The following DTX4 variants were observed in gnomAD, a reference collection of about 807,000 sequenced individuals.
DTX4 encodes the protein deltex E3 ubiquitin ligase 4, also known as E3 ubiquitin-protein ligase DTX4.
A neutral mutation model predicts 57.6 loss-of-function variants in DTX4; 28 were observed. The ratio of observed to expected loss-of-function variants is 0.49; its 90% confidence interval spans 0.36 to 0.67. The LOEUF is 0.67. DTX4 is among the 30% of genes least tolerant of loss of function. The probability of loss-of-function intolerance (pLI) is 0.00; values close to 1 mark genes in which losing one functional copy is unlikely to be tolerated. For synonymous variants in DTX4, 316 were observed against 331.0 expected (o/e 0.95, Z 0.49); for missense variants, 715 against 836.8 (o/e 0.85, Z 1.80).
At chr11:59,196,408 G>A (rs916975827) in intron 7 of DTX4, among the ~76,000 whole-genome samples, 2 of 152,250 alleles carry the variant, frequency 1.3e-5, no homozygotes, top group Non-Finnish European at 2.9e-5. Context: ...GTTCTTCCTG[G>A]AGGGGCTTAC....
At chr11:59,203,975 C>G (rs1466632086) in intron 8 of DTX4, among the ~76,000 whole-genome samples, 1 of 152,228 alleles carries the variant, frequency 6.6e-6, no homozygotes, top group Non-Finnish European at 1.5e-5. Flanking sequence ...GACATTTTCA[C>G]TGGATGCTTT....
chr11:59,195,788 A>G (rs1344416305), intron 7 of DTX4, among the ~76,000 whole-genome samples: 4 of 152,264 alleles, frequency 2.6e-5, no homozygotes, highest in East Asian at 1.9e-4. Flanking sequence ...TTTGATGGGC[A>G]TATGGATTGT....
At position 59,181,722 on chromosome 11, in the gene DTX4, C is replaced by T; in HGVS notation, c.212-17C>T. 6.3e-7 allele frequency: 1 copy of T among 1,579,570 alleles called. No homozygotes were observed. Among genetic ancestry groups the T allele is most frequent in the Non-Finnish European group, 8.6e-7 (1 of 1,159,676 alleles). On this transcript the variant is annotated splice_polypyrimidine_tract_variant and intron_variant, in intron 1 of 8. Transcript: ENST00000227451. ...TTGCATGCTGACTCTGACCTCTCCCCTATCCCACCCTGGCAGGAACTCTCC... is the reference window on the plus strand; with the variant it reads ...TTGCATGCTGACTCTGACCTCTCCCTTATCCCACCCTGGCAGGAACTCTCC...
chr11:59,186,008 C>T (rs1862523337), intron 2 of DTX4, among the ~76,000 whole-genome samples: 1 of 152,162 alleles, frequency 6.6e-6, no homozygotes, highest in Non-Finnish European at 1.5e-5. Context: ...GGGGCTAAAA[C>T]AAAGACTCCC....
rs898631701 is a variant in DTX4, at chr11:59,205,245, C to G, written c.*336C>G. On this transcript the variant is annotated 3_prime_UTR_variant, in exon 9 of 9. Coordinates refer to ENST00000227451, the MANE Select transcript of DTX4 (RefSeq NM_015177.2). ...CAGCACACCTAGGGTATGGGCAGTG[C>G]TTAGGCACTCCATATCCTGGCTTTG... 1.6e-5 allele frequency: 4 copies of G among 248,908 alleles called. No homozygotes were observed. Among genetic ancestry groups the G allele is most frequent in the African/African-American group, 8.7e-5 (4 of 46,154 alleles). The allele number at this position is 248,908 out of a possible 1,614,324, so 15.4% of individuals were successfully genotyped here.
At chr11:59,198,620 GT>G (rs1350028138) in intron 7 of DTX4, among the ~76,000 whole-genome samples, 1 of 152,136 alleles carries the variant, frequency 6.6e-6, no homozygotes, top group Non-Finnish European at 1.5e-5. Context: ...AAAAATCTGG[GT>G]TTTTTTCTTG....
At chr11:59,189,398 A>G (rs1862569134) in intron 4 of DTX4, 75 bp downstream of exon 4, 1 of 1,419,294 alleles carries the variant, frequency 7.0e-7, no homozygotes, top group East Asian at 2.5e-5. Flanking sequence ...CTCAACCTCC[A>G]AGGGTCATAG....
intron 2 of DTX4, 65 bp downstream of exon 2, chr11:59,182,527 C>T (rs1862480479): frequency 7.5e-6 from 11 of 1,471,014 alleles, no homozygotes; most frequent in Middle Eastern, 3.6e-4. Flanking sequence ...AGCAGATCTT[C>T]TGGATCAGAA....
intron 6 of DTX4, 75 bp from the exon 7 acceptor site, chr11:59,195,133 A>C: frequency 6.6e-7 from 1 of 1,515,428 alleles, no homozygotes; most frequent in Non-Finnish European, 9.2e-7. Flanking sequence ...CATCTCTGGT[A>C]CCTTTTGGGA....
chr11:59,204,162 C>A (rs1229544247), intron 8 of DTX4, among the ~76,000 whole-genome samples: 1 of 152,044 alleles, frequency 6.6e-6, no homozygotes, highest in Admixed American at 6.6e-5. Context: ...CAAGATGTCA[C>A]TAGAAAAATA....
In DTX4 at chr11:59,172,789, A is replaced by G; in HGVS notation, c.194A>G (p.Gln65Arg). ...ATCATCGACCTGCAGTCCATGAACC[A>G]GTTCCGCCAAGACACGGGTGAGCCA... is the stretch of plus-strand genomic sequence containing the variant. ...PYIIDLQSMN[Q>R]FRQDTGTLRP... Residue 65 changes from glutamine to arginine, a missense_variant, in exon 1 of 9, where the codon CAG becomes CGG. Transcript: ENST00000227451. The G allele has an allele frequency of 1.3e-6, 2 of 1,584,224 alleles. No homozygotes were observed. Among genetic ancestry groups the G allele is most frequent in the Non-Finnish European group, 1.7e-6 (2 of 1,165,756 alleles).
intron 8 of DTX4, among the ~76,000 whole-genome samples, chr11:59,202,834 A>C (rs1406009136): frequency 3.3e-5 from 5 of 152,240 alleles, no homozygotes; most frequent in Non-Finnish European, 7.3e-5. Context: ...TCATCATCAT[A>C]CAAACATCGC....
At chr11:59,182,579 C>CCCTGGCTGCAGGTGAAGGTGGTGCA (rs1401146734) in intron 2 of DTX4, 117 bp downstream of exon 2, 3 of 1,367,764 alleles carry the variant, frequency 2.2e-6, no homozygotes, top group African/African-American at 1.5e-5. Context: ...TTGTGCTGAC[C>CCCTGGCTGCAGGTGAAGGTGGTGCA]CCTGGCTGCA....
chr11:59,191,661 A>G lies in DTX4; in HGVS notation c.1222-437A>G, dbSNP rs1862600615. ...ACAGCAAAGAATTGTCCTCCCCAAA[A>G]TGTAAATAGTTCTGAGGTTTAGAAA... is the stretch of plus-strand genomic sequence containing the variant. On this transcript the variant is annotated intron_variant, in intron 5 of 8. Transcript: ENST00000227451. 2.0e-5 allele frequency among the ~76,000 whole-genome samples: 3 copies of G among 152,204 alleles called. No individual in the cohort carries two copies. The South Asian group carries it at 6.2e-4, about 31-fold the overall frequency.
Position 59,204,697 on chromosome 11 carries a change from G to T in DTX4, c.1648G>T (p.Ala550Ser). ...GRKVLKLLLV[A>S]WDRRLIFAIG... is the part of the protein sequence containing the mutation. The stretch of plus-strand genomic sequence containing the variant: ...CTAGGTTCTGAAGCTGCTGCTCGTG[G>T]CCTGGGATCGCCGCCTCATTTTTGC... Residue 550 changes from alanine (A) to serine (S), a missense_variant, in exon 9 of 9, where the codon GCC (alanine) becomes TCC (serine). By Grantham distance (99) the Ala-to-Ser change is moderately conservative. Coordinates refer to ENST00000227451, the MANE Select transcript of DTX4 (RefSeq NM_015177.2). The T allele has an allele frequency of 6.2e-7, 1 of 1,613,326 alleles. No individual in the cohort carries two copies. Among genetic ancestry groups the T allele is most frequent in the Non-Finnish European group, 8.5e-7 (1 of 1,179,656 alleles).
At position 59,189,153 on chromosome 11, in the gene DTX4, C is replaced by T; in HGVS notation, c.998-9C>T. On this transcript the variant is annotated splice_polypyrimidine_tract_variant and intron_variant, in intron 3 of 8. Transcript: ENST00000227451. ...CAGTCTTTCCTCACCCATGCCCTGC[C>T]CCTTCCAGGAATCACTGGGATCCTC... 6.2e-7 allele frequency: 1 copy of T among 1,612,884 alleles called. No individual in the cohort carries two copies. The highest frequency in any genetic ancestry group is 8.5e-7 in the Non-Finnish European group (1 of 1,179,774).
At position 59,205,275 on chromosome 11, in the gene DTX4, G is replaced by A. The variant is rs1355186908; in HGVS notation, c.*366G>A. On this transcript the variant is annotated 3_prime_UTR_variant, in exon 9 of 9. Coordinates refer to ENST00000227451, the MANE Select transcript of DTX4 (RefSeq NM_015177.2). ...GCACTCCATATCCTGGCTTTGGGAA[G>A]CCGGGGTTTCTTGCCTCAGCCGGCT... 5.0e-6 allele frequency: 1 copy of A among 198,754 alleles called. No individual in the cohort carries two copies. Among genetic ancestry groups the A allele is most frequent in the Non-Finnish European group, 1.1e-5 (1 of 94,058 alleles). 12.3% of individuals were successfully genotyped at this position (198,754 alleles called of 1,614,324 possible). A position where few individuals can be genotyped will look rare whatever the true frequency, so the allele number is the denominator to read the frequency against.
intron 7 of DTX4, 99 bp from the exon 8 acceptor site, chr11:59,199,582 AATT>A (rs1862715712): frequency 1.1e-6 from 1 of 917,494 alleles, no homozygotes; most frequent in Non-Finnish European, 1.7e-6. Flanking sequence ...GCTTTATGGG[AATT>A]ATTATTGTCA....
chr11:59,175,863 C>A (rs1862389272), intron 1 of DTX4, among the ~76,000 whole-genome samples: 1 of 151,708 alleles, frequency 6.6e-6, no homozygotes, highest in South Asian at 2.1e-4. Flanking sequence ...TACTCCGTGA[C>A]CTTGACCAAG....
Sources: gnomAD v4.1 joint callset for allele counts (sites outside exome capture counted in the v4.1 genomes callset) on GRCh38, gnomAD v4.1.1 for gene constraint, MANE v1.5 for transcripts, NCBI Gene and HGNC (gene_info 2026-07-23, HGNC 2026-07-21) for gene names.